SMCO2: variants seen among roughly 807,000 people sequenced by gnomAD.
SMCO2 encodes single-pass membrane protein with coiled-coil domains 2, also known as single-pass membrane and coiled-coil domain-containing protein 2.
Under a neutral mutation model 29.5 loss-of-function variants are expected in SMCO2, and 25 were observed. The ratio of observed to expected loss-of-function variants is 0.85; its 90% CI spans 0.62 to 1.18. The LOEUF (loss-of-function observed/expected upper bound fraction) is 1.18. Ranked by LOEUF, SMCO2 falls within the 50% of genes most tolerant of loss-of-function variation. The pLI is 0.00. For missense variants in SMCO2, 348 were observed against 344.5 expected (o/e 1.01, Z -0.08); for synonymous variants, 117 against 123.3 (o/e 0.95, Z 0.34).
intron 4 of SMCO2, among the ~76,000 whole-genome samples, chr12:27,487,602 A>G (rs1175517365): frequency 1.3e-5 from 2 of 152,230 alleles, no homozygotes; most frequent in African/African-American, 2.4e-5. Context: ...GCTGGGTCAT[A>G]TGGTAAGTCA....
At chr12:27,472,486 C>T (rs541877164) in intron 2 of SMCO2, among the ~76,000 whole-genome samples, 16 of 152,260 alleles carry the variant, frequency 1.1e-4, no homozygotes, top group South Asian at 4.1e-4. Context: ...TGATTGTGCA[C>T]ACTCATTTAT....
intron 5 of SMCO2, among the ~76,000 whole-genome samples, chr12:27,493,187 G>A (rs117548639): frequency 0.012 from 1,874 of 152,274 alleles, 14 homozygotes; most frequent in South Asian, 0.031. Context: ...TGAGGGTGGA[G>A]GGTGGGAGGA....
intron 5 of SMCO2, among the ~76,000 whole-genome samples, chr12:27,492,924 A>T (rs1354716020): frequency 6.6e-6 from 1 of 152,214 alleles, no homozygotes; most frequent in East Asian, 1.9e-4. Context: ...AAAGACATAG[A>T]ATCAACCTAA....
intron 5 of SMCO2, among the ~76,000 whole-genome samples, chr12:27,491,773 G>A (rs908731935): frequency 2.0e-5 from 3 of 150,296 alleles, no homozygotes; most frequent in Admixed American, 6.6e-5. Context: ...GCGCTATCTC[G>A]GCTCACTGCA....
chr12:27,468,386 CAT>C (rs34120736), intron 1 of SMCO2, among the ~76,000 whole-genome samples: 15,355 of 152,210 alleles, frequency 0.1, 1,230 homozygotes, highest in African/African-American at 0.22. Context: ...CAAAAGGAGT[CAT>C]AGATGATTTG....
chr12:27,489,442 A>G (rs1949717444), intron 5 of SMCO2, among the ~76,000 whole-genome samples: 1 of 152,136 alleles, frequency 6.6e-6, no homozygotes, highest in Admixed American at 6.5e-5. Flanking sequence ...CCTGGCTGAT[A>G]GTTTTTCTGG....
At chr12:27,433,178 G>A in the SMCO2 span, among the ~76,000 whole-genome samples, 2 of 151,086 alleles carry the variant, frequency 1.3e-5, no homozygotes, top group Non-Finnish European at 3.0e-5. Context: ...ACATATAGAC[G>A]TGTGTGTGTG....
chr12:27,451,772 T>C, the SMCO2 span, among the ~76,000 whole-genome samples: 1 of 152,172 alleles, frequency 6.6e-6, no homozygotes, highest in Admixed American at 6.5e-5. Flanking sequence ...GATTAGCAAA[T>C]ATGCAATCTG....
chr12:27,487,769 TGCC>T (rs1949702109), intron 4 of SMCO2, among the ~76,000 whole-genome samples: 1 of 148,736 alleles, frequency 6.7e-6, no homozygotes, highest in African/African-American at 2.5e-5. Flanking sequence ...TTTTTTTTTT[TGCC>T]ATTGTGACAA....
chr12:27,496,174 T>C (rs1455765242), intron 7 of SMCO2, among the ~76,000 whole-genome samples: 1 of 150,282 alleles, frequency 6.7e-6, no homozygotes, highest in Non-Finnish European at 1.5e-5. Flanking sequence ...CAAAGACCTC[T>C]TGTGGGTGGC....
intron 5 of SMCO2, among the ~76,000 whole-genome samples, chr12:27,488,970 A>T (rs1949712248): frequency 6.6e-6 from 1 of 152,104 alleles, no homozygotes; most frequent in African/African-American, 2.4e-5. Context: ...TGGTTTTCAC[A>T]ATCTCCAGAG....
At chr12:27,473,345 C>T (rs994003510) in intron 3 of SMCO2, among the ~76,000 whole-genome samples, 3 of 152,080 alleles carry the variant, frequency 2.0e-5, no homozygotes, top group Admixed American at 6.5e-5. Context: ...TACATAACTC[C>T]TGGTCTCTTG....
chr12:27,494,347 A>G lies in SMCO2; in HGVS notation c.498A>G (p.Glu166=), dbSNP rs1227975253. The change falls in exon 6 of 8, where the codon GAA becomes GAG. Residue 166 remains glutamate (E), a synonymous_variant. Transcript: ENST00000298876. ...ATGAATTAAAGAAGAAAGTCATAGA[A>G]AGGCTGGAGGTAAGATTTCAGTTAC... 5 of 1,525,994 alleles carry G rather than the reference A, an allele frequency of 3.3e-6. No homozygotes were observed. The African/African-American group carries it at 7.0e-5, about 21-fold the overall frequency. 94.5% of individuals were successfully genotyped at this position (1,525,994 alleles called of 1,614,324 possible). A position where few individuals can be genotyped will look rare whatever the true frequency, so the allele number is the denominator to read the frequency against.
the SMCO2 span, among the ~76,000 whole-genome samples, chr12:27,442,779 C>G: frequency 2.6e-5 from 4 of 152,170 alleles, no homozygotes; most frequent in Non-Finnish European, 5.9e-5. Flanking sequence ...CGCCACAACA[C>G]CCAGCCAATT....
intron 5 of SMCO2, among the ~76,000 whole-genome samples, chr12:27,489,776 T>A (rs1949720045): frequency 1.3e-5 from 2 of 152,168 alleles, no homozygotes; most frequent in Admixed American, 6.5e-5. Flanking sequence ...CTTTGGAAAT[T>A]GCAAACTATA....
intron 1 of SMCO2, among the ~76,000 whole-genome samples, chr12:27,467,478 TATC>T (rs981464549): frequency 6.6e-6 from 1 of 151,258 alleles, no homozygotes; most frequent in African/African-American, 2.4e-5. Flanking sequence ...TGGGATCTAG[TATC>T]TGCACTAGGT....
At chr12:27,462,449 T>C (rs568066175), upstream of SMCO2, among the ~76,000 whole-genome samples, 6 of 152,350 alleles carry the variant, frequency 3.9e-5, no homozygotes, top group South Asian at 1.2e-3. Context: ...TAATATTCTC[T>C]TTCTCCCGGA....
chr12:27,500,416 G>GA (rs1943062314), intron 7 of SMCO2, among the ~76,000 whole-genome samples: 1 of 150,346 alleles, frequency 6.7e-6, no homozygotes. Context: ...TGGAAGAAAG[G>GA]AAAAAAGATA....
upstream of SMCO2, among the ~76,000 whole-genome samples, chr12:27,463,399 G>A (rs1316583076): frequency 1.3e-5 from 2 of 152,078 alleles, no homozygotes; most frequent in Non-Finnish European, 1.5e-5. Context: ...AGAGTAGCTG[G>A]GATTACAGGT....
Sources: gnomAD v4.1 joint callset for allele counts (sites outside exome capture counted in the v4.1 genomes callset) on GRCh38, gnomAD v4.1.1 for gene constraint, MANE v1.5 for transcripts, NCBI Gene and HGNC (gene_info 2026-07-23, HGNC 2026-07-21) for gene names.